The following SQOR variants were observed in gnomAD, a reference collection of about 807,000 sequenced individuals.
SQOR encodes the protein sulfide:quinone oxidoreductase, mitochondrial.
A neutral mutation model predicts 48.6 loss-of-function variants in SQOR; 39 were observed. The observed-to-expected ratio is 0.80, with a 90% CI of 0.62 to 1.05. The LOEUF (loss-of-function observed/expected upper bound fraction) is 1.05. Among genes scored for constraint, SQOR ranks in the 50% least tolerant of loss-of-function variants. The pLI, the probability that SQOR is intolerant of heterozygous loss-of-function variation, is 0.00. For missense variants in SQOR, 561 were observed against 559.9 expected (o/e 1.00, Z -0.02); for synonymous variants, 220 against 206.2 (o/e 1.07, Z -0.57).
At chr15:45,674,273 C>T (rs781101500) in intron 5 of SQOR, among the ~76,000 whole-genome samples, 1 of 152,014 alleles carries the variant, frequency 6.6e-6, no homozygotes, top group Non-Finnish European at 1.5e-5. Flanking sequence ...CCCGTCTCTA[C>T]TAAAAATACA....
intron 9 of SQOR, among the ~76,000 whole-genome samples, chr15:45,690,192 A>G (rs1890298849): frequency 6.6e-6 from 1 of 150,430 alleles, no homozygotes; most frequent in African/African-American, 2.5e-5. Flanking sequence ...CAGCCTCCCA[A>G]GTAGCTGGGA....
chr15:45,661,885 A>G (rs1889726927), intron 2 of SQOR, 70 bp from the exon 3 acceptor site: 2 of 1,485,980 alleles, frequency 1.3e-6, no homozygotes, highest in Non-Finnish European at 9.1e-7. Context: ...AATCTAGCCC[A>G]TACTGTTAGC....
At chr15:45,635,981 G>T (rs1345539895) in intron 1 of SQOR, among the ~76,000 whole-genome samples, 1 of 151,986 alleles carries the variant, frequency 6.6e-6, no homozygotes, top group Non-Finnish European at 1.5e-5. Context: ...GATTACAGGC[G>T]CAGCACACCT....
chr15:45,659,339 A>C lies in SQOR; in HGVS notation c.234+182A>C, dbSNP rs376580002. ...AGAAGGACTGGGAGGAAGTGGAGGGAAAGAGAGAGGGAGAACAGATCTCTT... is the reference window on the plus strand; with the variant it reads ...AGAAGGACTGGGAGGAAGTGGAGGGCAAGAGAGAGGGAGAACAGATCTCTT... On this transcript the variant is annotated intron_variant, in intron 2 of 9. Transcript: ENST00000260324. 7.9e-5 allele frequency among the ~76,000 whole-genome samples: 12 copies of C among 152,222 alleles called. No individual in the cohort carries two copies. The East Asian group carries it at 1.2e-3, about 15-fold the overall frequency.
At chr15:45,652,638 CTTTTTTTTTTTTTTT>C (rs757986564) in intron 1 of SQOR, among the ~76,000 whole-genome samples, 12 of 60,302 alleles carry the variant, frequency 2.0e-4, no homozygotes, top group African/African-American at 1.5e-4. Flanking sequence ...CGTGAGCCTC[CTTTTTTTTTTTTTTT>C]TTTTTTTTTT....
intron 1 of SQOR, among the ~76,000 whole-genome samples, chr15:45,654,887 A>C (rs1170309487): frequency 1.3e-5 from 2 of 152,132 alleles, no homozygotes; most frequent in Non-Finnish European, 2.9e-5. Flanking sequence ...TACATAGTGC[A>C]TCAGGAAGGC....
In SQOR at chr15:45,659,098, G is replaced by A. The variant is rs774806357; in HGVS notation, c.175G>A (p.Ala59Thr). The A allele has an allele frequency of 6.9e-6, 11 of 1,585,730 alleles. No individual in the cohort carries two copies. Among genetic ancestry groups the A allele is most frequent in the East Asian group, 2.3e-5 (1 of 43,946 alleles). Residue 59 changes from alanine (A) to threonine (T), a missense_variant, in exon 2 of 10, where the codon GCT becomes ACT. Coordinates refer to ENST00000260324, the MANE Select transcript of SQOR (RefSeq NM_021199.4). ...LGGGSGGITM[A>T]ARMKRKVGAE... Reference sequence around the variant, plus strand: ...TGGGGGCAGTGGCGGAATCACCATGGCTGCCCGCATGAAGAGGAAAGTGGG... The same window carrying A: ...TGGGGGCAGTGGCGGAATCACCATGACTGCCCGCATGAAGAGGAAAGTGGG...
chr15:45,653,661 A>G (rs1008189417), intron 1 of SQOR, among the ~76,000 whole-genome samples: 2 of 152,126 alleles, frequency 1.3e-5, no homozygotes, highest in African/African-American at 4.8e-5. Flanking sequence ...TCTGGTGACC[A>G]GCCCCCTCCT....
chr15:45,633,909 T>C (rs1367162130), upstream of SQOR, among the ~76,000 whole-genome samples: 1 of 151,044 alleles, frequency 6.6e-6, no homozygotes, highest in Non-Finnish European at 1.5e-5. Flanking sequence ...GCATGGTGGC[T>C]CACGCCTGTA....
intron 1 of SQOR, among the ~76,000 whole-genome samples, chr15:45,644,856 C>A (rs1211873794): frequency 6.6e-6 from 1 of 152,128 alleles, no homozygotes; most frequent in African/African-American, 2.4e-5. Flanking sequence ...TTGCCTCTTG[C>A]AGGGTTAAAG....
intron 2 of SQOR, 56 bp from the exon 3 acceptor site, chr15:45,661,899 G>T: frequency 6.5e-7 from 1 of 1,543,490 alleles, no homozygotes; most frequent in South Asian, 1.2e-5. Flanking sequence ...TGTTAGCTAT[G>T]ACCCCTTTTG....
At chr15:45,646,077 AT>A (rs1895200164) in intron 1 of SQOR, 1 of 152,184 alleles carries the variant, frequency 6.6e-6, no homozygotes, top group African/African-American at 2.4e-5. Flanking sequence ...TGTATTGGTA[AT>A]TTTGGGTTAT....
intron 7 of SQOR, among the ~76,000 whole-genome samples, chr15:45,687,704 T>A (rs1890247803): frequency 6.6e-6 from 1 of 151,962 alleles, no homozygotes; most frequent in South Asian, 2.1e-4. Context: ...CAGAAACAAA[T>A]CCCGATGTAT....
chr15:45,653,522 C>G (rs935720626), intron 1 of SQOR, among the ~76,000 whole-genome samples: 1 of 152,198 alleles, frequency 6.6e-6, no homozygotes, highest in African/African-American at 2.4e-5. Context: ...TCCAGCACAT[C>G]AGTGAGTTCA....
At chr15:45,667,941 C>CTTTTTTT (rs1204451548) in intron 3 of SQOR, among the ~76,000 whole-genome samples, 26 of 103,272 alleles carry the variant, frequency 2.5e-4, no homozygotes, top group Non-Finnish European at 3.2e-4. Flanking sequence ...TTCTTTCTTT[C>CTTTTTTT]TTTTTTTTTT....
At position 45,651,076 on chromosome 15, in the gene SQOR, A is replaced by C. The variant is rs531578792; in HGVS notation, c.-17-7831A>C. On this transcript the variant is annotated intron_variant, in intron 1 of 9. Transcript: ENST00000260324. Reference sequence around the variant, plus strand: ...CACAGAGCAGGGGGCGGCGCCCATCAGGGAGGCTCACCCGTGTGGGAGCCC... The same window carrying C: ...CACAGAGCAGGGGGCGGCGCCCATCCGGGAGGCTCACCCGTGTGGGAGCCC... Among the ~76,000 whole-genome samples, 9 of 152,254 alleles carry C rather than the reference A, an allele frequency of 5.9e-5. No individual in the cohort carries two copies. The East Asian group carries it at 1.2e-3, about 20-fold the overall frequency.
intron 6 of SQOR, among the ~76,000 whole-genome samples, chr15:45,678,536 C>T (rs966021715): frequency 1.3e-5 from 2 of 151,570 alleles, no homozygotes; most frequent in African/African-American, 4.9e-5. Flanking sequence ...CTCTTGTGTC[C>T]CTGTGACATG....
intron 4 of SQOR, among the ~76,000 whole-genome samples, chr15:45,672,177 G>C (rs368310671): frequency 2.6e-5 from 4 of 152,050 alleles, no homozygotes; most frequent in African/African-American, 9.7e-5. Flanking sequence ...GAACTAGAAG[G>C]TATGGCGGTC....
chr15:45,687,759 G>GTCTA (rs1217485366), intron 7 of SQOR, among the ~76,000 whole-genome samples: 1 of 150,098 alleles, frequency 6.7e-6, no homozygotes, highest in Admixed American at 6.7e-5. Flanking sequence ...CTGTCTGTCT[G>GTCTA]TCTATCTAGG....
Sources: gnomAD v4.1 joint callset for allele counts (sites outside exome capture counted in the v4.1 genomes callset) on GRCh38, gnomAD v4.1.1 for gene constraint, MANE v1.5 for transcripts, NCBI Gene and HGNC (gene_info 2026-07-23, HGNC 2026-07-21) for gene names.